PUDP: variants seen among roughly 807,000 people sequenced by gnomAD.
The protein encoded by PUDP is pseudouridine 5'-phosphatase.
A neutral mutation model predicts 9.4 loss-of-function variants in PUDP; 8 were observed. That is an observed-to-expected ratio of 0.85 (90% CI 0.50 to 1.53). The LOEUF (loss-of-function observed/expected upper bound fraction) is 1.53. Among genes scored for constraint, PUDP ranks in the 40% most tolerant of loss-of-function variants. The probability of loss-of-function intolerance (pLI) is 0.00; values close to 1 mark genes in which losing one functional copy is unlikely to be tolerated. For synonymous variants in PUDP, 99 were observed against 80.7 expected, an observed-to-expected ratio of 1.23 and a Z score of -1.22; for missense variants, 188 against 189.7, an observed-to-expected ratio of 0.99 and a Z score of 0.05.
chrX:6,811,330 T>C (rs1167548737), intron 3 of PUDP, among the ~76,000 whole-genome samples: 1 of 110,666 alleles, frequency 9.0e-6, no homozygotes, highest in Non-Finnish European at 1.9e-5. Flanking sequence ...TTAATATTAT[T>C]TTGAGACAGA....
intron 3 of PUDP, among the ~76,000 whole-genome samples, chrX:6,970,976 G>GGGAGGT (rs1569133224): frequency 9.0e-6 from 1 of 110,893 alleles, no homozygotes; most frequent in East Asian, 2.8e-4. Flanking sequence ...GCTTGAACCT[G>GGGAGGT]GGAGGTGGAG....
intron 3 of PUDP, among the ~76,000 whole-genome samples, chrX:7,077,010 C>G (rs1344489047): frequency 1.8e-5 from 2 of 112,053 alleles, no homozygotes; most frequent in Non-Finnish European, 3.8e-5. Flanking sequence ...CTGAGTCTCC[C>G]TGGCCTGGTG....
chrX:7,129,262 A>G lies in PUDP; in HGVS notation c.61+18791T>C, dbSNP rs145691650. Reference sequence around the variant, plus strand: ...TTCTTCCTTTCCATTTTATATTCTCATACTGGCTGCACTATATAGAAAATG... The same window carrying G: ...TTCTTCCTTTCCATTTTATATTCTCGTACTGGCTGCACTATATAGAAAATG... On this transcript the variant is annotated intron_variant, in intron 1 of 3. Coordinates refer to ENST00000381077, the MANE Select transcript of PUDP (RefSeq NM_012080.5). Among the ~76,000 whole-genome samples the G allele has an allele frequency of 1.1e-4, 12 of 112,486 alleles. 1 individual carries two copies. The East Asian group carries it at 3.1e-3, about 29-fold the overall frequency.
intron 3 of PUDP, among the ~76,000 whole-genome samples, chrX:6,908,450 T>C (rs767014946): frequency 1.8e-5 from 2 of 111,871 alleles, no homozygotes; most frequent in Non-Finnish European, 3.8e-5. Flanking sequence ...GCTTATGGTT[T>C]ATTACAGGGA....
intron 1 of PUDP, among the ~76,000 whole-genome samples, chrX:6,994,772 A>T (rs898950163): frequency 1.8e-5 from 2 of 111,356 alleles, no homozygotes; most frequent in African/African-American, 6.5e-5. Flanking sequence ...GAAAAGAGTT[A>T]ATTTTTTCAC....
At chrX:7,079,952 A>T (rs903025885) in intron 2 of PUDP, among the ~76,000 whole-genome samples, 1 of 112,293 alleles carries the variant, frequency 8.9e-6, no homozygotes, top group East Asian at 2.8e-4. Context: ...AATTAAACCC[A>T]AAACAAATAA....
At chrX:6,866,460 AC>A (rs1383108839) in intron 3 of PUDP, among the ~76,000 whole-genome samples, 1 of 111,596 alleles carries the variant, frequency 9.0e-6, no homozygotes, top group Non-Finnish European at 1.9e-5. Flanking sequence ...AATTCATTTC[AC>A]CCATTGGTAT....
At chrX:6,768,038 AG>A (rs1180103645) in intron 3 of PUDP, among the ~76,000 whole-genome samples, 2 of 111,860 alleles carry the variant, frequency 1.8e-5, no homozygotes, top group Non-Finnish European at 3.8e-5. Context: ...AAGCTTGACC[AG>A]GAACAGACTT....
intron 3 of PUDP, among the ~76,000 whole-genome samples, chrX:6,764,909 C>T (rs1925266304): frequency 1.8e-5 from 2 of 110,950 alleles, no homozygotes; most frequent in South Asian, 3.8e-4. Context: ...ACAGGATTTC[C>T]ATATACACAA....
intron 1 of PUDP, among the ~76,000 whole-genome samples, chrX:7,023,342 G>T (rs750584817): frequency 8.9e-6 from 1 of 111,924 alleles, no homozygotes; most frequent in South Asian, 3.8e-4. Context: ...CAAAGAAGCA[G>T]GAAAAAATGA....
chrX:6,949,920 G>C (rs1928523575), intron 3 of PUDP, among the ~76,000 whole-genome samples: 1 of 111,619 alleles, frequency 9.0e-6, no homozygotes. Flanking sequence ...ATGGCTCTTG[G>C]GAGGATGTGA....
At chrX:6,757,428 G>A (rs1395777409) in intron 3 of PUDP, among the ~76,000 whole-genome samples, 5 of 110,782 alleles carry the variant, frequency 4.5e-5, no homozygotes, top group African/African-American at 1.6e-4. Context: ...TCATGGGTGT[G>A]GGGGTGGGAG....
chrX:6,874,520 A>G (rs1220876386), intron 3 of PUDP, among the ~76,000 whole-genome samples: 1 of 110,738 alleles, frequency 9.0e-6, no homozygotes, highest in Non-Finnish European at 1.9e-5. Flanking sequence ...TGTCAGTCCA[A>G]TTACTGCACT....
At chrX:6,712,145 T>C (rs1441514578) in intron 1 of PUDP, among the ~76,000 whole-genome samples, 5 of 111,716 alleles carry the variant, frequency 4.5e-5, no homozygotes, top group African/African-American at 1.3e-4. Flanking sequence ...AATATTTATC[T>C]ATTTATTTAT....
At chrX:6,761,257 T>C (rs1336766959) in intron 3 of PUDP, among the ~76,000 whole-genome samples, 1 of 111,972 alleles carries the variant, frequency 8.9e-6, no homozygotes, top group East Asian at 2.8e-4. Context: ...CCACGTGGCA[T>C]AAAAGACAAG....
intron 1 of PUDP, among the ~76,000 whole-genome samples, chrX:7,144,797 TTA>T (rs1449291590): frequency 1.8e-5 from 2 of 112,206 alleles, no homozygotes; most frequent in African/African-American, 6.5e-5. Context: ...ATCTACCTTA[TTA>T]TTTTACGATA....
intron 3 of PUDP, among the ~76,000 whole-genome samples, chrX:6,808,228 T>A (rs1926084457): frequency 8.9e-6 from 1 of 111,866 alleles, no homozygotes; most frequent in African/African-American, 3.3e-5. Flanking sequence ...ATGCATGGCA[T>A]ATGATTCATG....
At chrX:7,095,627 G>A (rs1488780858) in intron 2 of PUDP, among the ~76,000 whole-genome samples, 2 of 112,392 alleles carry the variant, frequency 1.8e-5, no homozygotes, top group East Asian at 2.8e-4. Flanking sequence ...GGCAGGTGGA[G>A]ACACAGTTTG....
chrX:7,045,025 T>TCC (rs756724466), downstream of PUDP, among the ~76,000 whole-genome samples: 4 of 110,924 alleles, frequency 3.6e-5, no homozygotes, highest in Admixed American at 3.8e-4. Context: ...TCGCTCTGTG[T>TCC]CCCCCCCCAA....
Sources: gnomAD v4.1 joint callset for allele counts (sites outside exome capture counted in the v4.1 genomes callset) on GRCh38, gnomAD v4.1.1 for gene constraint, MANE v1.5 for transcripts, NCBI Gene and HGNC (gene_info 2026-07-23, HGNC 2026-07-21) for gene names.